ULK4: variants seen among roughly 807,000 people sequenced by gnomAD.
ULK4 encodes inactive serine/threonine-protein kinase ULK4.
In ULK4, 133 loss-of-function variants were observed where a neutral mutation model predicts 160.6. The ratio of observed to expected loss-of-function variants is 0.83; its 90% CI spans 0.72 to 0.96. The LOEUF is 0.96. Ranked by LOEUF, ULK4 falls within the 40% of genes least tolerant of loss-of-function variation. ULK4 has a pLI of 0.00. For missense variants in ULK4, 1,580 were observed against 1,499.5 expected, an observed-to-expected ratio of 1.05 and a Z score of -0.89; for synonymous variants, 534 against 539.8, an observed-to-expected ratio of 0.99 and a Z score of 0.15.
chr3:41,632,207 G>A (rs1388450640), intron 30 of ULK4, among the ~76,000 whole-genome samples: 1 of 152,182 alleles, frequency 6.6e-6, no homozygotes. Context: ...GTAAGAGAAA[G>A]AATTGACAGT....
At chr3:41,861,136 T>C (rs759944539) in intron 17 of ULK4, among the ~76,000 whole-genome samples, 1 of 152,228 alleles carries the variant, frequency 6.6e-6, no homozygotes, top group Non-Finnish European at 1.5e-5. Flanking sequence ...TTATTACTTT[T>C]GATTGGCTCA....
At chr3:41,362,443 T>C (rs967593139) in intron 35 of ULK4, among the ~76,000 whole-genome samples, 1 of 152,182 alleles carries the variant, frequency 6.6e-6, no homozygotes, top group Non-Finnish European at 1.5e-5. Context: ...CCCTAGAGGA[T>C]TTTGCCAACT....
rs1251371394 is a variant in ULK4, at chr3:41,703,495, T to A, written c.2781+1562A>T. 1.3e-5 allele frequency among the ~76,000 whole-genome samples: 2 copies of A among 152,152 alleles called. 1 individual carries two copies. The highest frequency in any genetic ancestry group is 4.2e-4 in the South Asian group (2 of 4,818). ...TTAAAACTATATATACCAAAACTTG[T>A]GGGATGATGCTAACGCAGTATTTAA... On this transcript the variant is annotated intron_variant, in intron 27 of 36. Coordinates refer to ENST00000301831, the MANE Select transcript of ULK4 (RefSeq NM_017886.4).
chr3:41,623,114 A>C lies in ULK4; in HGVS notation c.3072-7397T>G, dbSNP rs146627473. On this transcript the variant is annotated intron_variant, in intron 30 of 36. Transcript: ENST00000301831. ...TAGAATTTTGTATGATAAATTACAG[A>C]GCTTAAGACAAACATGTTACATATG... Among the ~76,000 whole-genome samples, 277 of 152,340 alleles carry C rather than the reference A, an allele frequency of 1.8e-3. 2 individuals carry two copies. Among genetic ancestry groups the C allele is most frequent in the African/African-American group, 6.3e-3 (260 of 41,584 alleles).
At chr3:41,356,529 G>A (rs550618974) in intron 35 of ULK4, among the ~76,000 whole-genome samples, 123 of 152,200 alleles carry the variant, frequency 8.1e-4, no homozygotes, top group African/African-American at 2.7e-3. Context: ...AACATTCCAC[G>A]CCTCACAAGC....
intron 34 of ULK4, among the ~76,000 whole-genome samples, chr3:41,434,922 A>C (rs2082999422): frequency 6.6e-6 from 1 of 152,238 alleles, no homozygotes; most frequent in African/African-American, 2.4e-5. Context: ...TAGGTTAAAC[A>C]CTGAATTTTC....
chr3:41,453,928 C>CA (rs554654465), intron 34 of ULK4, among the ~76,000 whole-genome samples: 41 of 145,316 alleles, frequency 2.8e-4, no homozygotes, highest in Non-Finnish European at 5.4e-4. Flanking sequence ...ATCACAGGGA[C>CA]AAAAAACCAA....
At chr3:41,871,699 T>G (rs981298919) in intron 17 of ULK4, among the ~76,000 whole-genome samples, 3 of 152,252 alleles carry the variant, frequency 2.0e-5, no homozygotes, top group African/African-American at 7.2e-5. Flanking sequence ...TATTTTTTGC[T>G]GTTGAGGTTT....
chr3:41,641,819 T>C (rs1042994822), intron 30 of ULK4, among the ~76,000 whole-genome samples: 2 of 131,054 alleles, frequency 1.5e-5, no homozygotes, highest in Admixed American at 7.2e-5. Flanking sequence ...CTAATAATTG[T>C]TTAAAATGCA....
In ULK4 at chr3:41,705,095, T is replaced by C; in HGVS notation, c.2743A>G (p.Ile915Val). ...KITLSAFEAI[I>V]QYPILLKDYR... is the part of the protein sequence containing the mutation. The stretch of plus-strand genomic sequence containing the variant: ...TCTTTCAATAAAATAGGATACTGTA[T>C]TATTGCTTCAAAAGCTGACAATGTG... The change falls in exon 27 of 37, where the codon ATA (isoleucine) becomes GTA (valine). Residue 915 changes from isoleucine to valine, a missense_variant. Ile to Val is a conservative substitution (Grantham distance 29). Coordinates refer to ENST00000301831, the MANE Select transcript of ULK4 (RefSeq NM_017886.4). The C allele has an allele frequency of 1.2e-6, 2 of 1,614,002 alleles. No individual in the cohort carries two copies. Among genetic ancestry groups the C allele is most frequent in the South Asian group, 2.2e-5 (2 of 91,046 alleles).
intron 30 of ULK4, among the ~76,000 whole-genome samples, chr3:41,628,531 A>G (rs1162423626): frequency 1.3e-5 from 2 of 152,216 alleles, no homozygotes; most frequent in African/African-American, 4.8e-5. Flanking sequence ...ATGGAGGAGC[A>G]TCTTACAAAG....
At chr3:41,771,178 A>G (rs1003196221) in intron 21 of ULK4, among the ~76,000 whole-genome samples, 3 of 152,190 alleles carry the variant, frequency 2.0e-5, no homozygotes, top group Non-Finnish European at 1.5e-5. Flanking sequence ...TATCTTTGTC[A>G]ATTATAAAAT....
intron 32 of ULK4, among the ~76,000 whole-genome samples, chr3:41,502,719 T>G (rs1038209482): frequency 1.3e-5 from 2 of 152,194 alleles, no homozygotes; most frequent in Admixed American, 1.3e-4. Flanking sequence ...ATGATTCCAT[T>G]TATATAACAT....
intron 35 of ULK4, among the ~76,000 whole-genome samples, chr3:41,388,829 T>C (rs1365036222): frequency 2.6e-5 from 4 of 152,200 alleles, no homozygotes; most frequent in Non-Finnish European, 4.4e-5. Context: ...GCTTTGTTCT[T>C]TTGGCTTAGG....
chr3:41,402,175 T>C (rs113549656), intron 34 of ULK4, among the ~76,000 whole-genome samples: 2 of 152,224 alleles, frequency 1.3e-5, no homozygotes, highest in Non-Finnish European at 2.9e-5. Context: ...ATTTAATGTA[T>C]ACATTTTGAT....
chr3:41,722,452 A>C (rs2037505186), intron 22 of ULK4, among the ~76,000 whole-genome samples: 1 of 152,114 alleles, frequency 6.6e-6, no homozygotes, highest in Admixed American at 6.5e-5. Context: ...AACATGGAGA[A>C]ACCCCGTCTC....
At chr3:41,313,010 A>G (rs753721608) in intron 35 of ULK4, among the ~76,000 whole-genome samples, 3 of 152,198 alleles carry the variant, frequency 2.0e-5, no homozygotes, top group Non-Finnish European at 2.9e-5. Flanking sequence ...AAAGGAAATA[A>G]TAACTACTAA....
intron 16 of ULK4, among the ~76,000 whole-genome samples, chr3:41,889,734 CAG>C (rs1255367682): frequency 3.3e-5 from 5 of 152,152 alleles, no homozygotes; most frequent in Admixed American, 2.0e-4. Context: ...AGGTTGAACA[CAG>C]AGTTATCATT....
At chr3:41,580,439 G>A (rs1396522581) in intron 31 of ULK4, among the ~76,000 whole-genome samples, 1 of 150,982 alleles carries the variant, frequency 6.6e-6, no homozygotes, top group Non-Finnish European at 1.5e-5. Flanking sequence ...ATTGAAATTT[G>A]GATAGTTTCA....
Sources: allele counts gnomAD v4.1 joint callset (sites outside exome capture counted in the v4.1 genomes callset), GRCh38; gene constraint gnomAD v4.1.1; transcripts MANE v1.5; gene names NCBI Gene and HGNC (gene_info 2026-07-23, HGNC 2026-07-21).